GPR161: variants seen among roughly 807,000 people sequenced by gnomAD.
The protein encoded by GPR161 is G protein-coupled receptor 161.
GPR161 carries 25 observed loss-of-function variants against 39.2 expected under a neutral mutation model. The ratio of observed to expected loss-of-function variants is 0.64; its 90% CI spans 0.47 to 0.89. The LOEUF (loss-of-function observed/expected upper bound fraction) is 0.89. Ranked by LOEUF, GPR161 falls within the 40% of genes least tolerant of loss-of-function variation. The pLI, the probability that GPR161 is intolerant of heterozygous loss-of-function variation, is 0.00. For synonymous variants in GPR161, 286 were observed against 276.6 expected, an observed-to-expected ratio of 1.03 and a Z score of -0.34; for missense variants, 547 against 677.8, an observed-to-expected ratio of 0.81 and a Z score of 2.14.
chr1:168,121,824 C>G (rs759634784), intron 1 of GPR161, among the ~76,000 whole-genome samples: 1 of 152,214 alleles, frequency 6.6e-6, no homozygotes, highest in Non-Finnish European at 1.5e-5. Context: ...AATTCCAGCC[C>G]TTCCAGAGCA....
intron 3 of GPR161, among the ~76,000 whole-genome samples, chr1:168,095,963 G>A (rs1394711478): frequency 4.0e-5 from 6 of 151,792 alleles, no homozygotes; most frequent in African/African-American, 9.7e-5. Flanking sequence ...GGTGAAACCC[G>A]TCTCTACTAA....
At chr1:168,137,065 G>A (rs1572409350), upstream of GPR161, 1 of 180,570 alleles carries the variant, frequency 5.5e-6, no homozygotes, top group Non-Finnish European at 7.7e-6. Context: ...CTCCCCACCC[G>A]CGCCCCTTCC....
rs987368481 is a variant in GPR161, at chr1:168,084,696, C to T, written c.*835G>A. The T allele has an allele frequency of 1.3e-5, 5 of 378,400 alleles. No individual in the cohort carries two copies. The highest frequency in any genetic ancestry group is 2.6e-5 in the Non-Finnish European group (5 of 194,810). 23.4% of individuals were successfully genotyped at this position (378,400 alleles called of 1,614,324 possible). On this transcript the variant is annotated 3_prime_UTR_variant, in exon 6 of 6. Coordinates refer to ENST00000682931, the MANE Select transcript of GPR161 (RefSeq NM_001375883.1). ...AAATTCCCTTCCATAATAACAGTTT[C>T]TCTATTTCCTGGCTGTGCTTGGCAC...
Position 168,080,674 on chromosome 1 carries a change from C to T in GPR161, c.*4857G>A, listed in dbSNP as rs1407974333. The T allele has an allele frequency of 6.6e-6, 1 of 152,210 alleles. No individual in the cohort carries two copies. Among genetic ancestry groups the T allele is most frequent in the African/African-American group, 2.4e-5 (1 of 41,428 alleles). The allele number at this position is 152,210 out of a possible 1,614,324, so 9.4% of individuals were successfully genotyped here. ...TGTCACTACAGGACAGAGCTGTCCT[C>T]AGCAACCAAGGGCATTTCTCAGGGA... On this transcript the variant is annotated 3_prime_UTR_variant, in exon 6 of 6. Coordinates refer to ENST00000682931, the MANE Select transcript of GPR161 (RefSeq NM_001375883.1).
chr1:168,105,401 C>T (rs1696512609), intron 1 of GPR161, among the ~76,000 whole-genome samples: 1 of 152,202 alleles, frequency 6.6e-6, no homozygotes, highest in Non-Finnish European at 1.5e-5. Context: ...GGATCACCAT[C>T]ACCTGAGAGC....
At chr1:168,137,192 G>C, upstream of GPR161, 1 of 1,417,392 alleles carries the variant, frequency 7.1e-7, no homozygotes, top group Non-Finnish European at 9.2e-7. Context: ...CTTTTCTCCT[G>C]AAAACCTTTG....
At chr1:168,132,545 G>A (rs1436045411) in intron 1 of GPR161, among the ~76,000 whole-genome samples, 3 of 148,974 alleles carry the variant, frequency 2.0e-5, no homozygotes, top group East Asian at 2.0e-4. Flanking sequence ...CCGAGATCGC[G>A]CCACTGAACT....
At chr1:168,125,898 G>A (rs1264722174) in intron 1 of GPR161, among the ~76,000 whole-genome samples, 1 of 152,156 alleles carries the variant, frequency 6.6e-6, no homozygotes, top group Admixed American at 6.5e-5. Context: ...TTACAGGCGT[G>A]AGCCACCGCA....
upstream of GPR161, chr1:168,137,179 C>G (rs1699457360): frequency 2.8e-6 from 4 of 1,406,878 alleles, no homozygotes; most frequent in Non-Finnish European, 3.7e-6. Flanking sequence ...TCGGCTCGCC[C>G]CACTTTTCTC....
At chr1:168,130,642 T>C (rs1698917212) in intron 1 of GPR161, among the ~76,000 whole-genome samples, 1 of 152,232 alleles carries the variant, frequency 6.6e-6, no homozygotes, top group Non-Finnish European at 1.5e-5. Flanking sequence ...CTTCTCTCTA[T>C]ATGTTCCCTC....
chr1:168,112,068 G>A (rs1697221359), intron 1 of GPR161, among the ~76,000 whole-genome samples: 1 of 152,012 alleles, frequency 6.6e-6, no homozygotes, highest in Non-Finnish European at 1.5e-5. Flanking sequence ...ATACTTCTGG[G>A]GTGAACAAAA....
intron 1 of GPR161, among the ~76,000 whole-genome samples, chr1:168,127,475 C>T (rs1335831930): frequency 6.6e-6 from 1 of 151,566 alleles, no homozygotes; most frequent in African/African-American, 2.4e-5. Flanking sequence ...TGCAGTGAGA[C>T]TCCATCTCAT....
At chr1:168,095,111 G>T (rs1206311930) in intron 3 of GPR161, among the ~76,000 whole-genome samples, 1 of 152,192 alleles carries the variant, frequency 6.6e-6, no homozygotes, top group Non-Finnish European at 1.5e-5. Context: ...GCCAAAAATG[G>T]ATAACCTCAT....
chr1:168,105,743 G>A (rs1225151911), intron 1 of GPR161, among the ~76,000 whole-genome samples: 3 of 152,204 alleles, frequency 2.0e-5, no homozygotes, highest in African/African-American at 7.2e-5. Context: ...GGCTAAAGCC[G>A]CAGGTTGACA....
At chr1:168,126,093 A>G (rs771880014) in intron 1 of GPR161, among the ~76,000 whole-genome samples, 2 of 152,214 alleles carry the variant, frequency 1.3e-5, no homozygotes, top group African/African-American at 4.8e-5. Context: ...ACGTCTATAG[A>G]TGCTATTGCG....
intron 1 of GPR161, among the ~76,000 whole-genome samples, chr1:168,118,899 C>A (rs996772214): frequency 5.9e-5 from 9 of 151,882 alleles, no homozygotes; most frequent in Non-Finnish European, 4.4e-5. Flanking sequence ...ACTGAGATAT[C>A]CAGGATGGCT....
At chr1:168,085,864 C>G in intron 5 of GPR161, 68 bp from the exon 6 acceptor site, 1 of 1,390,414 alleles carries the variant, frequency 7.2e-7, no homozygotes, top group South Asian at 1.3e-5. Context: ...GGGGACAAGC[C>G]TGCTGCTGCT....
At chr1:168,097,892 T>C (rs551946225) in intron 2 of GPR161, among the ~76,000 whole-genome samples, 12 of 152,004 alleles carry the variant, frequency 7.9e-5, no homozygotes, top group African/African-American at 2.4e-4. Context: ...CCCAGACCCA[T>C]GGGAGAAAGA....
At chr1:168,120,841 TAA>T (rs754328536) in intron 1 of GPR161, among the ~76,000 whole-genome samples, 36 of 152,312 alleles carry the variant, frequency 2.4e-4, no homozygotes, top group Non-Finnish European at 4.3e-4. Context: ...GCCATAATTA[TAA>T]GTTTCCTGAG....
Sources: gnomAD v4.1 joint callset for allele counts (sites outside exome capture counted in the v4.1 genomes callset) on GRCh38, gnomAD v4.1.1 for gene constraint, MANE v1.5 for transcripts, NCBI Gene and HGNC (gene_info 2026-07-23, HGNC 2026-07-21) for gene names.